Variants in ARSJ observed in about 807,000 individuals in gnomAD.
ARSJ encodes the protein arylsulfatase J.
Under a neutral mutation model 35.9 loss-of-function variants are expected in ARSJ, and 26 were observed. That is an observed-to-expected ratio of 0.72 (90% CI 0.53 to 1.00). The LOEUF (loss-of-function observed/expected upper bound fraction) is 1.00. Ranked by LOEUF, ARSJ falls within the 50% of genes least tolerant of loss-of-function variation. ARSJ has a pLI of 0.00. For missense variants in ARSJ, 667 were observed against 723.6 expected (o/e 0.92, Z 0.90); for synonymous variants, 294 against 267.6 (o/e 1.10, Z -0.96).
intron 1 of ARSJ, among the ~76,000 whole-genome samples, chr4:113,921,817 A>G (rs1273581433): frequency 6.6e-6 from 1 of 152,180 alleles, no homozygotes; most frequent in East Asian, 1.9e-4. Flanking sequence ...TTCATCTTTC[A>G]CAATAGTCAC....
At chr4:113,904,256 G>A (rs1354232281) in intron 1 of ARSJ, among the ~76,000 whole-genome samples, 6 of 152,040 alleles carry the variant, frequency 3.9e-5, no homozygotes, top group Non-Finnish European at 8.8e-5. Flanking sequence ...TTCTTATAGT[G>A]GAATTAATTT....
chr4:113,913,825 C>T (rs1723102443), intron 1 of ARSJ, among the ~76,000 whole-genome samples: 1 of 152,036 alleles, frequency 6.6e-6, no homozygotes, highest in Non-Finnish European at 1.5e-5. Context: ...TAGGGAGTAG[C>T]TTAAATACTA....
chr4:113,923,745 T>G (rs1045925224), intron 1 of ARSJ, among the ~76,000 whole-genome samples: 13 of 151,944 alleles, frequency 8.6e-5, no homozygotes, highest in Admixed American at 1.3e-4. Context: ...ATTAGCCATA[T>G]TTCAGATGTT....
intron 1 of ARSJ, among the ~76,000 whole-genome samples, chr4:113,924,629 G>C (rs751020241): frequency 6.6e-6 from 1 of 152,026 alleles, no homozygotes; most frequent in Non-Finnish European, 1.5e-5. Context: ...ACAACCAGAA[G>C]TGCACTAATC....
At chr4:113,964,176 A>G (rs1167526576) in intron 1 of ARSJ, among the ~76,000 whole-genome samples, 1 of 152,082 alleles carries the variant, frequency 6.6e-6, no homozygotes, top group Non-Finnish European at 1.5e-5. Context: ...TAAGATGGCC[A>G]TAACACTTTA....
intron 1 of ARSJ, chr4:113,906,601 T>G: frequency 3.1e-6 from 1 of 327,186 alleles, no homozygotes; most frequent in Non-Finnish European, 6.0e-6. Flanking sequence ...TATGGTGGAA[T>G]AGGAGGAAGT....
At chr4:113,928,145 A>C (rs1724197089) in intron 1 of ARSJ, among the ~76,000 whole-genome samples, 1 of 152,150 alleles carries the variant, frequency 6.6e-6, no homozygotes, top group South Asian at 2.1e-4. Flanking sequence ...GGAGGACCAC[A>C]ATGATGTTTG....
At chr4:113,905,357 C>T (rs1447276522) in intron 1 of ARSJ, among the ~76,000 whole-genome samples, 1 of 152,164 alleles carries the variant, frequency 6.6e-6, no homozygotes, top group African/African-American at 2.4e-5. Context: ...ACATGTTATA[C>T]ATGCCTTGGA....
chr4:113,901,508 AAAC>A lies in ARSJ; in HGVS notation c.*763_*765del, dbSNP rs1012897776. The A allele has an allele frequency of 1.3e-3, 199 of 152,710 alleles. 2 individuals are homozygous for A. The highest frequency in any genetic ancestry group is 4.4e-3 in the African/African-American group (181 of 41,574). 9.5% of individuals were successfully genotyped at this position (152,710 alleles called of 1,614,324 possible). On this transcript the variant is annotated 3_prime_UTR_variant, in exon 2 of 2. Transcript: ENST00000315366. ...AAGTCATTTGCATAACTTTTTATAA[AAAC>A]AACAAAATATTTTTCTGTAAAAATA...
intron 1 of ARSJ, among the ~76,000 whole-genome samples, chr4:113,949,828 C>A (rs1481620234): frequency 6.6e-6 from 1 of 152,110 alleles, no homozygotes; most frequent in African/African-American, 2.4e-5. Context: ...CTTTTGCGAT[C>A]TGTACTCCAC....
At chr4:113,914,592 T>A (rs1031213177) in intron 1 of ARSJ, among the ~76,000 whole-genome samples, 3 of 152,166 alleles carry the variant, frequency 2.0e-5, no homozygotes, top group African/African-American at 4.8e-5. Flanking sequence ...TAGCCACACA[T>A]AGATGAAAGT....
At chr4:113,967,205 C>G (rs13435343) in intron 1 of ARSJ, among the ~76,000 whole-genome samples, 1 of 152,090 alleles carries the variant, frequency 6.6e-6, no homozygotes, top group African/African-American at 2.4e-5. Flanking sequence ...GCTGCCACAT[C>G]TTATTACACC....
At chr4:113,976,357 T>G (rs569370152) in intron 1 of ARSJ, among the ~76,000 whole-genome samples, 1 of 152,208 alleles carries the variant, frequency 6.6e-6, no homozygotes, top group South Asian at 2.1e-4. Flanking sequence ...CATAGACATG[T>G]GTTCATAGAG....
chr4:113,974,324 A>C (rs1302731475), intron 1 of ARSJ, among the ~76,000 whole-genome samples: 6 of 152,092 alleles, frequency 3.9e-5, no homozygotes, highest in African/African-American at 1.2e-4. Flanking sequence ...GCTAAAAAAA[A>C]CCAAACACAC....
chr4:113,904,233 A>G (rs72893415), intron 1 of ARSJ, among the ~76,000 whole-genome samples: 11,436 of 152,222 alleles, frequency 0.075, 445 homozygotes, highest in East Asian at 0.11. Context: ...CCCAGCCTCA[A>G]AGTCTTTTAA....
intron 1 of ARSJ, chr4:113,946,201 T>C (rs1044310238): frequency 7.9e-5 from 12 of 152,090 alleles, no homozygotes; most frequent in Non-Finnish European, 2.9e-5. Flanking sequence ...CTTTTTCATC[T>C]GCCTGCTTTA....
chr4:113,950,297 T>G (rs74319774), intron 1 of ARSJ, among the ~76,000 whole-genome samples: 142 of 152,164 alleles, frequency 9.3e-4, no homozygotes, highest in Admixed American at 2.9e-3. Context: ...ACCCTCCCCC[T>G]TCCTTTTATG....
chr4:113,971,411 T>C (rs377644185), intron 1 of ARSJ, among the ~76,000 whole-genome samples: 6 of 152,234 alleles, frequency 3.9e-5, no homozygotes, highest in Admixed American at 1.3e-4. Flanking sequence ...ATTATCTAAA[T>C]AGGAATTCAC....
chr4:113,918,247 C>T (rs1429596657), intron 1 of ARSJ, among the ~76,000 whole-genome samples: 2 of 152,040 alleles, frequency 1.3e-5, no homozygotes, highest in Non-Finnish European at 2.9e-5. Flanking sequence ...TAACTAGCAA[C>T]AAGAAATCCA....
Sources: gnomAD v4.1 joint callset for allele counts (sites outside exome capture counted in the v4.1 genomes callset) on GRCh38, gnomAD v4.1.1 for gene constraint, MANE v1.5 for transcripts, NCBI Gene and HGNC (gene_info 2026-07-23, HGNC 2026-07-21) for gene names.